The following LRP1B variants were observed in gnomAD, a reference collection of about 807,000 sequenced individuals.
LRP1B encodes LDL receptor related protein 1B, also known as low-density lipoprotein receptor-related protein 1B.
LRP1B carries 217 observed loss-of-function variants against 556.6 expected under a neutral mutation model. The observed-to-expected ratio is 0.39, with a 90% CI of 0.35 to 0.44. The LOEUF (loss-of-function observed/expected upper bound fraction) is 0.44. Among genes scored for constraint, LRP1B ranks in the 20% least tolerant of loss-of-function variants. The probability of loss-of-function intolerance (pLI) is 1.00; values close to 1 mark genes in which losing one functional copy is unlikely to be tolerated. For missense variants in LRP1B, 5,053 were observed against 5,620.8 expected (o/e 0.90, Z 3.23); for synonymous variants, 2,047 against 1,865.8 (o/e 1.10, Z -2.50).
chr2:140,526,344 G>A lies in LRP1B; in HGVS notation c.7769C>T (p.Thr2590Ile), dbSNP rs1340037211. The change falls in exon 48 of 91, where the codon ACC becomes ATC. Residue 2590 changes from threonine to isoleucine, a missense_variant. By Grantham distance (89) the Thr-to-Ile change is moderately conservative (BLOSUM62 -1). Transcript: ENST00000389484. ...ACAGCGGAACTCAACCGTGGCACAG[G>A]TTGAAACTAGAAAAACAGGTACATA... is the stretch of plus-strand genomic sequence containing the variant. ...NSDELDCKVS[T>I]CATVEFRCAD... 3.7e-6 allele frequency: 6 copies of A among 1,606,482 alleles called. No homozygotes were observed. Among genetic ancestry groups the A allele is most frequent in the South Asian group, 1.1e-5 (1 of 90,828 alleles).
In LRP1B at chr2:140,591,928, A is replaced by G. The variant is rs183529274; in HGVS notation, c.7194+6703T>C. On this transcript the variant is annotated intron_variant, in intron 43 of 90. Coordinates refer to ENST00000389484, the MANE Select transcript of LRP1B (RefSeq NM_018557.3). ...ACTCATCATCAGTTTTGAAAATCCT[A>G]TCACCCAAGTCAGCACTACTCTCAG... Among the ~76,000 whole-genome samples, 34 of 152,238 alleles carry G rather than the reference A, an allele frequency of 2.2e-4. No homozygotes were observed. In the East Asian group the frequency reaches 6.6e-3, roughly 29 times the overall value.
At chr2:141,227,629 T>G (rs1683297470) in intron 6 of LRP1B, among the ~76,000 whole-genome samples, 1 of 152,196 alleles carries the variant, frequency 6.6e-6, no homozygotes, top group African/African-American at 2.4e-5. Context: ...ATCAATTGTT[T>G]CATTAAGAGG....
intron 2 of LRP1B, among the ~76,000 whole-genome samples, chr2:141,755,459 T>G (rs1239302301): frequency 6.6e-6 from 1 of 152,064 alleles, no homozygotes; most frequent in Non-Finnish European, 1.5e-5. Flanking sequence ...CAACCATATG[T>G]TACTAGTTCA....
intron 37 of LRP1B, among the ~76,000 whole-genome samples, chr2:140,705,910 C>T (rs1686821090): frequency 6.6e-6 from 1 of 151,916 alleles, no homozygotes; most frequent in Admixed American, 6.6e-5. Context: ...CATTTTATGT[C>T]AAGCAAATAA....
At chr2:140,726,732 T>A (rs1574287178) in intron 35 of LRP1B, among the ~76,000 whole-genome samples, 1 of 152,174 alleles carries the variant, frequency 6.6e-6, no homozygotes, top group Non-Finnish European at 1.5e-5. Flanking sequence ...CACTAGTTAT[T>A]ATAATAAAAA....
At chr2:142,081,513 AGAG>A (rs775801322) in intron 1 of LRP1B, among the ~76,000 whole-genome samples, 2 of 152,190 alleles carry the variant, frequency 1.3e-5, no homozygotes, top group African/African-American at 2.4e-5. Flanking sequence ...GAGGTAGAAA[AGAG>A]GCGTGGATGA....
At chr2:141,299,577 CAG>C (rs1686310674) in intron 3 of LRP1B, among the ~76,000 whole-genome samples, 1 of 152,118 alleles carries the variant, frequency 6.6e-6, no homozygotes, top group Non-Finnish European at 1.5e-5. Flanking sequence ...TTAAATATTG[CAG>C]AGTCATAAGT....
intron 2 of LRP1B, among the ~76,000 whole-genome samples, chr2:141,514,139 C>T (rs576252758): frequency 3.9e-5 from 6 of 152,236 alleles, no homozygotes; most frequent in East Asian, 1.9e-4. Flanking sequence ...ACTTGACTTG[C>T]TCCACTGACC....
intron 43 of LRP1B, among the ~76,000 whole-genome samples, chr2:140,581,370 C>T (rs1221917062): frequency 1.3e-5 from 2 of 152,158 alleles, no homozygotes; most frequent in Admixed American, 6.5e-5. Context: ...TGTAGCACAC[C>T]TCTTCAGATA....
chr2:140,676,242 C>A (rs551314861), intron 41 of LRP1B, among the ~76,000 whole-genome samples: 2 of 151,998 alleles, frequency 1.3e-5, no homozygotes, highest in Non-Finnish European at 2.9e-5. Context: ...TCCTACAGCA[C>A]GTAATTATAT....
chr2:140,509,916 C>T lies in LRP1B; in HGVS notation c.8398+12G>A, dbSNP rs2104916583. On this transcript the variant is annotated intron_variant, in intron 52 of 90. Coordinates refer to ENST00000389484, the MANE Select transcript of LRP1B (RefSeq NM_018557.3). The stretch of plus-strand genomic sequence containing the variant: ...GTTTTCTTTGACATGCAGCCCTGGC[C>T]AGTGTTCATACCGCAGCCTGCTGTG... The T allele has an allele frequency of 1.9e-6, 3 of 1,610,658 alleles. No individual in the cohort carries two copies. The highest frequency in any genetic ancestry group is 2.5e-6 in the Non-Finnish European group (3 of 1,178,768).
At chr2:142,078,577 C>G (rs1263672084) in intron 1 of LRP1B, among the ~76,000 whole-genome samples, 1 of 152,080 alleles carries the variant, frequency 6.6e-6, no homozygotes, top group Non-Finnish European at 1.5e-5. Flanking sequence ...AGTTTCCTGC[C>G]CTGTACAGCG....
At chr2:141,860,688 A>G (rs1430478790) in intron 1 of LRP1B, among the ~76,000 whole-genome samples, 1 of 152,188 alleles carries the variant, frequency 6.6e-6, no homozygotes, top group African/African-American at 2.4e-5. Context: ...AAATATAAAT[A>G]AAAATAATGA....
rs142232712 is a variant in LRP1B, at chr2:142,067,647, T to C, written c.82+63001A>G. Among the ~76,000 whole-genome samples, 1,237 of 151,666 alleles carry C rather than the reference T, an allele frequency of 8.2e-3. 22 individuals carry two copies. Among genetic ancestry groups the C allele is most frequent in the African/African-American group, 0.028 (1,155 of 41,476 alleles). On this transcript the variant is annotated intron_variant, in intron 1 of 90. Transcript: ENST00000389484. Reference sequence around the variant, plus strand: ...TTTGAGTATCATTTCCTTTGCTCTTTTTTGGCCTGCATTTACATTATTTAG... The same window carrying C: ...TTTGAGTATCATTTCCTTTGCTCTTCTTTGGCCTGCATTTACATTATTTAG...
rs548466859 is a variant in LRP1B at position 140,296,959 on chromosome 2, AAAG to A, written c.12967+846_12967+848del. Among the ~76,000 whole-genome samples, 478 of 152,330 alleles carry A rather than the reference AAAG, an allele frequency of 3.1e-3. 2 individuals carry two copies. Among genetic ancestry groups the A allele is most frequent in the African/African-American group, 0.011 (468 of 41,582 alleles). ...AGTAGTAAAATAAGGTTATTACAAA[AAAG>A]AGATGTGGGCACAAGTGAAGGTTTT... On this transcript the variant is annotated intron_variant, in intron 84 of 90. Coordinates refer to ENST00000389484, the MANE Select transcript of LRP1B (RefSeq NM_018557.3).
intron 41 of LRP1B, among the ~76,000 whole-genome samples, chr2:140,688,309 T>C (rs1686120472): frequency 6.6e-6 from 1 of 152,154 alleles, no homozygotes; most frequent in African/African-American, 2.4e-5. Flanking sequence ...TATTGACCCC[T>C]TTATAGTTTT....
chr2:140,908,972 T>G (rs1390714144), intron 21 of LRP1B, among the ~76,000 whole-genome samples: 1 of 152,132 alleles, frequency 6.6e-6, no homozygotes, highest in Non-Finnish European at 1.5e-5. Context: ...GCTAATTTTG[T>G]ATTTTTAGTA....
At chr2:140,847,129 A>C (rs1356160452) in intron 29 of LRP1B, among the ~76,000 whole-genome samples, 1 of 152,108 alleles carries the variant, frequency 6.6e-6, no homozygotes, top group African/African-American at 2.4e-5. Context: ...AGCCTAGTCT[A>C]GGCTTCTGAT....
At chr2:141,914,960 A>T (rs1325542624) in intron 1 of LRP1B, among the ~76,000 whole-genome samples, 1 of 152,216 alleles carries the variant, frequency 6.6e-6, no homozygotes, top group Non-Finnish European at 1.5e-5. Flanking sequence ...TATTTCTGTC[A>T]AACTACCAAT....
Sources: allele counts gnomAD v4.1 joint callset (sites outside exome capture counted in the v4.1 genomes callset), GRCh38; gene constraint gnomAD v4.1.1; transcripts MANE v1.5; gene names NCBI Gene and HGNC (gene_info 2026-07-23, HGNC 2026-07-21).